The following PCDHGA5 variants were observed in gnomAD, a reference collection of about 807,000 sequenced individuals.
PCDHGA5 encodes the protein protocadherin gamma-A5.
In PCDHGA5, 36 loss-of-function variants were observed where a neutral mutation model predicts 56.7. The ratio of observed to expected loss-of-function variants is 0.64; its 90% CI spans 0.49 to 0.84. The LOEUF (loss-of-function observed/expected upper bound fraction) is 0.84, where lower values mean the gene tolerates loss of function less well. PCDHGA5 is among the 40% of genes least tolerant of loss of function. PCDHGA5 has a pLI of 0.00. For missense variants in PCDHGA5, 1,305 were observed against 1,201.5 expected (o/e 1.09, Z -1.27); for synonymous variants, 563 against 520.2 (o/e 1.08, Z -1.12).
At chr5:141,466,794 T>C (rs1487051313) in intron 1 of PCDHGA5, among the ~76,000 whole-genome samples, 2 of 152,226 alleles carry the variant, frequency 1.3e-5, no homozygotes, top group Non-Finnish European at 2.9e-5. Context: ...TGCCTCAAAC[T>C]AGATCCTATT....
Position 141,374,021 on chromosome 5 carries a change from C to G in PCDHGA5, c.2421+7270C>G. 3 of 1,406,168 alleles carry G rather than the reference C, an allele frequency of 2.1e-6. No homozygotes were observed. In the South Asian group the frequency reaches 5.2e-5, roughly 24 times the overall value. The allele number at this position is 1,406,168 out of a possible 1,614,324, so 87.1% of individuals were successfully genotyped here. The stretch of plus-strand genomic sequence containing the variant: ...CCTTCACCGCTATTTCTGAGAAGAG[C>G]AAAAGTGATGCAGATCTGTTCTTCC... On this transcript the variant is annotated intron_variant, in intron 1 of 3. Transcript: ENST00000518069.
In PCDHGA5 at chr5:141,477,074, A is replaced by G; in HGVS notation, c.2422-17733A>G. Reference sequence around the variant, plus strand: ...CTTCGAGGACACCAAACTCCATGAGATTTACATCCAGGCCAAAGACAAGGG... The same window carrying G: ...CTTCGAGGACACCAAACTCCATGAGGTTTACATCCAGGCCAAAGACAAGGG... On this transcript the variant is annotated intron_variant, in intron 1 of 3. Coordinates refer to ENST00000518069, the MANE Select transcript of PCDHGA5 (RefSeq NM_018918.3). This position sits in a 1 kb window ranked among gnomAD's most constrained non-coding sequence, Gnocchi z 4.9. 1 of 1,614,250 alleles carries G rather than the reference A, an allele frequency of 6.2e-7. No homozygotes were observed.
chr5:141,366,311 ACCGTTG>A lies in PCDHGA5; in HGVS notation c.1986_1991del (p.Val664_Ala665del), dbSNP rs1051076797. ...CCCTCTGTCAGCCACCTTCACGGTC[ACCGTTG>A]CCGTGGCCGACAGGATCCCTGACAT... On this transcript the variant is annotated inframe_deletion, in exon 1 of 4. Transcript: ENST00000518069. 6.2e-6 allele frequency: 10 copies of A among 1,613,648 alleles called. No homozygotes were observed. Among genetic ancestry groups the A allele is most frequent in the Non-Finnish European group, 6.8e-6 (8 of 1,179,974 alleles).
At chr5:141,392,957 C>T in intron 1 of PCDHGA5, 1 of 1,613,932 alleles carries the variant, frequency 6.2e-7, no homozygotes, top group Non-Finnish European at 8.5e-7. Flanking sequence ...TGGGTAATAT[C>T]TCCAAGGACC....
At chr5:141,409,352 T>G in intron 1 of PCDHGA5, 1 of 1,613,980 alleles carries the variant, frequency 6.2e-7, no homozygotes, top group Non-Finnish European at 8.5e-7. Flanking sequence ...AGAAGTCAGG[T>G]GTAATATAGA....
intron 1 of PCDHGA5, chr5:141,433,023 A>C: frequency 6.2e-7 from 1 of 1,614,084 alleles, no homozygotes; most frequent in East Asian, 2.2e-5. Context: ...ACCTATTCCC[A>C]CGAGGTTTCC....
chr5:141,384,294 C>A, intron 1 of PCDHGA5: 1 of 1,613,864 alleles, frequency 6.2e-7, no homozygotes. Context: ...CTGAGAACAA[C>A]CCCAGAGGGG....
At chr5:141,508,927 A>C (rs1562237319) in intron 3 of PCDHGA5, among the ~76,000 whole-genome samples, 1 of 151,542 alleles carries the variant, frequency 6.6e-6, no homozygotes. Context: ...TTCCTTTTGG[A>C]GTTAATTAGG....
intron 1 of PCDHGA5, chr5:141,384,495 G>A (rs187774047): frequency 5.0e-6 from 8 of 1,614,162 alleles, no homozygotes; most frequent in Non-Finnish European, 6.8e-6. Context: ...AACTAAGAGT[G>A]ACTGCACATG....
chr5:141,433,199 A>G (rs2097574804), intron 1 of PCDHGA5: 1 of 1,579,570 alleles, frequency 6.3e-7, no homozygotes, highest in Non-Finnish European at 8.6e-7. Context: ...TTTATATCAA[A>G]TCTTCTTTCT....
intron 1 of PCDHGA5, chr5:141,416,537 G>T (rs2096038948): frequency 6.6e-6 from 1 of 152,082 alleles, no homozygotes; most frequent in Admixed American, 6.6e-5. Context: ...AATGTATAAG[G>T]AGGCAAACAC....
At chr5:141,380,806 A>G (rs1175015074) in intron 1 of PCDHGA5, among the ~76,000 whole-genome samples, 1 of 152,258 alleles carries the variant, frequency 6.6e-6, no homozygotes, top group Non-Finnish European at 1.5e-5. Context: ...AACAAATGTG[A>G]GATGAAACTA....
At chr5:141,409,702 G>C (rs545411022) in intron 1 of PCDHGA5, 2 of 1,613,108 alleles carry the variant, frequency 1.2e-6, no homozygotes, top group African/African-American at 2.7e-5. Context: ...AGCCCCTGGC[G>C]GTGTCGTCAT....
intron 1 of PCDHGA5, chr5:141,388,381 C>T (rs370363580): frequency 1.9e-6 from 3 of 1,613,888 alleles, no homozygotes; most frequent in African/African-American, 2.7e-5. Flanking sequence ...GGTAGCAACA[C>T]ACTGCAGAAT....
chr5:141,383,038 G>A (rs1778741644), intron 1 of PCDHGA5: 1 of 1,613,858 alleles, frequency 6.2e-7, no homozygotes. Context: ...CTTTGTGGGA[G>A]ACATCGCCAA....
chr5:141,366,543 C>T lies in PCDHGA5; in HGVS notation c.2213C>T (p.Ser738Leu), dbSNP rs1287231126. The change falls in exon 1 of 4, where the codon TCG (serine) becomes TTG (leucine). Residue 738 changes from serine to leucine, a missense_variant. Physicochemically the swap from Ser to Leu is moderately radical, Grantham distance 145. Transcript: ENST00000518069. Reference protein sequence around the residue: ...EGSRLAGVPASHFVGVDGVRA... With the variant: ...EGSRLAGVPALHFVGVDGVRA... ...AGCAGGTTGGCGGGTGTGCCCGCCT[C>T]GCACTTTGTGGGCGTGGATGGGGTT... 6.8e-6 allele frequency: 11 copies of T among 1,614,124 alleles called. No homozygotes were observed. The highest frequency in any genetic ancestry group is 8.5e-6 in the Non-Finnish European group (10 of 1,180,054).
In PCDHGA5 at chr5:141,487,120, T is replaced by C. The variant is rs1342042604; in HGVS notation, c.2422-7687T>C. 1.9e-6 allele frequency: 3 copies of C among 1,613,948 alleles called. No homozygotes were observed. Among genetic ancestry groups the C allele is most frequent in the Admixed American group, 1.7e-5 (1 of 60,028 alleles). ...AGAAGCTGGTCATTGTGGTAAAGGA[T>C]AGTGGTAGTCCACCACTCTCTACCT... On this transcript the variant is annotated intron_variant, in intron 1 of 3. Coordinates refer to ENST00000518069, the MANE Select transcript of PCDHGA5 (RefSeq NM_018918.3). The surrounding 1 kb of genome is among the most constrained non-coding windows in gnomAD (Gnocchi z 5.0).
At chr5:141,425,214 A>G (rs999893857) in intron 1 of PCDHGA5, among the ~76,000 whole-genome samples, 2 of 152,178 alleles carry the variant, frequency 1.3e-5, no homozygotes, top group Non-Finnish European at 2.9e-5. Context: ...AAGGCATTGT[A>G]CTTTGACTGG....
chr5:141,503,212 C>G (rs1227936455), intron 2 of PCDHGA5, among the ~76,000 whole-genome samples: 1 of 152,074 alleles, frequency 6.6e-6, no homozygotes, highest in African/African-American at 2.4e-5. Flanking sequence ...CAGTGCCCAC[C>G]ATGAGCACCG....
Sources: allele counts gnomAD v4.1 joint callset (sites outside exome capture counted in the v4.1 genomes callset), GRCh38; gene constraint gnomAD v4.1.1; non-coding constraint Gnocchi (gnomAD v3.1); transcripts MANE v1.5; gene names NCBI Gene and HGNC (gene_info 2026-07-23, HGNC 2026-07-21).